MSI2: variants seen among roughly 807,000 people sequenced by gnomAD.
MSI2 encodes musashi RNA binding protein 2, also known as RNA-binding protein Musashi homolog 2.
A neutral mutation model predicts 45.6 loss-of-function variants in MSI2; 17 were observed. The observed-to-expected ratio is 0.37, with a 90% CI of 0.26 to 0.56. The LOEUF is 0.56. MSI2 is among the 20% of genes least tolerant of loss of function. The probability of loss-of-function intolerance (pLI) is 0.77; values close to 1 mark genes in which losing one functional copy is unlikely to be tolerated. For synonymous variants in MSI2, 156 were observed against 158.2 expected (o/e 0.99, Z 0.11); for missense variants, 293 against 444.2 (o/e 0.66, Z 3.06).
At chr17:57,445,194 G>T (rs2084874987) in intron 6 of MSI2, among the ~76,000 whole-genome samples, 1 of 152,210 alleles carries the variant, frequency 6.6e-6, no homozygotes, top group African/African-American at 2.4e-5. Flanking sequence ...GAATGCGTTT[G>T]TGAAATTTTT....
chr17:57,324,947 G>C (rs1420160559), intron 5 of MSI2, among the ~76,000 whole-genome samples: 1 of 152,182 alleles, frequency 6.6e-6, no homozygotes. Context: ...GAGGAGGGTT[G>C]AGTTGCCACA....
At chr17:57,573,842 A>G (rs2087943119) in intron 7 of MSI2, among the ~76,000 whole-genome samples, 1 of 152,202 alleles carries the variant, frequency 6.6e-6, no homozygotes, top group African/African-American at 2.4e-5. Context: ...TGAGCATCTG[A>G]TTCCTCATTT....
At chr17:57,638,374 G>A (rs1369609169) in intron 10 of MSI2, among the ~76,000 whole-genome samples, 4 of 152,198 alleles carry the variant, frequency 2.6e-5, no homozygotes, top group Admixed American at 1.3e-4. Context: ...CACCCGACCC[G>A]AGACAGGGCC....
chr17:57,597,278 A>C lies in MSI2; in HGVS notation c.537+328A>C, dbSNP rs538034747. Among the ~76,000 whole-genome samples the C allele has an allele frequency of 2.6e-4, 39 of 152,138 alleles. No individual in the cohort carries two copies. In the South Asian group the frequency reaches 8.1e-3, roughly 32 times the overall value. ...ATAAAGCTTTGTTTATGGACACCAA[A>C]ATTTGAACCTTATGTAATTTTCACA... On this transcript the variant is annotated intron_variant, in intron 8 of 13. Transcript: ENST00000284073.
intron 7 of MSI2, among the ~76,000 whole-genome samples, chr17:57,532,738 G>A (rs1211125159): frequency 6.6e-6 from 1 of 152,222 alleles, no homozygotes; most frequent in Non-Finnish European, 1.5e-5. Flanking sequence ...AGAGGAAAGT[G>A]CTGCAGTGGC....
chr17:57,631,874 T>C, intron 10 of MSI2: 1 of 1,608,434 alleles, frequency 6.2e-7, no homozygotes, highest in East Asian at 2.2e-5. Context: ...CTACCATTTC[T>C]AGAGAGAGAG....
chr17:57,257,449 T>A lies in MSI2; in HGVS notation c.104-17T>A, dbSNP rs770377566. ...ACCTTCTCTCCCCCCCCCATCTCTC[T>A]CTTTCTCTCTCTACAGATAGCCTTA... On this transcript the variant is annotated splice_polypyrimidine_tract_variant and intron_variant, in intron 2 of 13. Transcript: ENST00000284073. 37 of 1,250,916 alleles carry A rather than the reference T, an allele frequency of 3.0e-5. No homozygotes were observed. The African/African-American group carries it at 3.8e-4, about 13-fold the overall frequency. The allele number at this position is 1,250,916 out of a possible 1,614,324, so 77.5% of individuals were successfully genotyped here.
intron 7 of MSI2, among the ~76,000 whole-genome samples, chr17:57,579,637 C>T (rs1473453515): frequency 1.3e-5 from 2 of 152,190 alleles, no homozygotes; most frequent in East Asian, 3.8e-4. Flanking sequence ...GCAGCCGCCC[C>T]TTGGAGGCAG....
chr17:57,608,083 G>C (rs1231502548), intron 8 of MSI2, among the ~76,000 whole-genome samples: 1 of 152,204 alleles, frequency 6.6e-6, no homozygotes, highest in Non-Finnish European at 1.5e-5. Flanking sequence ...AGAAGGGCTT[G>C]TACCAGTGAG....
In MSI2 at chr17:57,282,273, C is replaced by T. The variant is rs1266959880; in HGVS notation, c.312+20081C>T. ...GGGAAGCAGCTTGGAGGGCCAGTTG[C>T]GTATTTTCCAAGGATTCCTGAATAT... On this transcript the variant is annotated intron_variant, in intron 5 of 13. Coordinates refer to ENST00000284073, the MANE Select transcript of MSI2 (RefSeq NM_138962.4). Among the ~76,000 whole-genome samples, 4 of 152,102 alleles carry T rather than the reference C, an allele frequency of 2.6e-5. No homozygotes were observed. In the South Asian group the frequency reaches 6.2e-4, roughly 24 times the overall value.
chr17:57,357,171 T>G (rs1916486972), intron 5 of MSI2, among the ~76,000 whole-genome samples: 1 of 152,136 alleles, frequency 6.6e-6, no homozygotes, highest in Non-Finnish European at 1.5e-5. Context: ...CCTTGTTCAC[T>G]GCCACAAAGA....
intron 11 of MSI2, among the ~76,000 whole-genome samples, chr17:57,672,006 G>C (rs892402472): frequency 2.6e-5 from 4 of 152,220 alleles, no homozygotes; most frequent in Non-Finnish European, 2.9e-5. Flanking sequence ...AGGGGTGCGG[G>C]TTCCACTGCC....
chr17:57,367,024 T>C (rs1917245251), intron 5 of MSI2, among the ~76,000 whole-genome samples: 2 of 152,192 alleles, frequency 1.3e-5, no homozygotes, highest in African/African-American at 4.8e-5. Flanking sequence ...TCAGATTGAG[T>C]TTGCCTTGGC....
At chr17:57,373,691 A>G (rs2083453151) in intron 5 of MSI2, among the ~76,000 whole-genome samples, 1 of 152,208 alleles carries the variant, frequency 6.6e-6, no homozygotes, top group Non-Finnish European at 1.5e-5. Context: ...AGATGGTGCT[A>G]CAGCTGCCAG....
intron 7 of MSI2, among the ~76,000 whole-genome samples, chr17:57,589,516 A>T (rs1379475133): frequency 6.6e-6 from 1 of 152,008 alleles, no homozygotes; most frequent in Non-Finnish European, 1.5e-5. Flanking sequence ...TAGCTCATGG[A>T]GGTGACCTAG....
intron 5 of MSI2, among the ~76,000 whole-genome samples, chr17:57,284,551 C>T (rs532455876): frequency 6.6e-6 from 1 of 152,198 alleles, no homozygotes; most frequent in African/African-American, 2.4e-5. Context: ...TGAATAAGTA[C>T]GAAGAGATGG....
intron 7 of MSI2, among the ~76,000 whole-genome samples, chr17:57,590,092 G>T (rs1186886178): frequency 6.6e-6 from 1 of 152,194 alleles, no homozygotes; most frequent in Non-Finnish European, 1.5e-5. Context: ...AATTTCTCAT[G>T]GGATACCCAG....
At chr17:57,566,325 T>C (rs1021776985) in intron 7 of MSI2, among the ~76,000 whole-genome samples, 1 of 152,196 alleles carries the variant, frequency 6.6e-6, no homozygotes, top group African/African-American at 2.4e-5. Flanking sequence ...GTCTGCGAAG[T>C]GCTGAGATAT....
At chr17:57,274,242 C>T (rs2143308308) in intron 5 of MSI2, 2 of 152,336 alleles carry the variant, frequency 1.3e-5, no homozygotes, top group Admixed American at 6.5e-5. Context: ...TTTTTACTGT[C>T]GTTATTTTTA....
Sources: gnomAD v4.1 joint callset for allele counts (sites outside exome capture counted in the v4.1 genomes callset) on GRCh38, gnomAD v4.1.1 for gene constraint, MANE v1.5 for transcripts, NCBI Gene and HGNC (gene_info 2026-07-23, HGNC 2026-07-21) for gene names.